TEN1: variants seen among roughly 807,000 people sequenced by gnomAD.
TEN1 encodes the protein TEN1 subunit of CST complex, also known as CST complex subunit TEN1.
In TEN1, 6 loss-of-function variants were observed where a neutral mutation model predicts 9.3. The ratio of observed to expected loss-of-function variants is 0.65; its 90% confidence interval spans 0.35 to 1.27. TEN1 has a LOEUF of 1.27. TEN1 is among the 50% of genes most tolerant of loss of function. TEN1 has a pLI of 0.03. For missense variants in TEN1, 149 were observed against 158.2 expected (o/e 0.94, Z 0.31); for synonymous variants, 65 against 65.6 (o/e 0.99, Z 0.04).
chr17:75,999,991 GTTGCCTT>G (rs2066243963), intron 3 of TEN1, 143 bp from the exon 4 acceptor site: 31 of 1,272,378 alleles, frequency 2.4e-5, no homozygotes, highest in Non-Finnish European at 3.3e-5. Context: ...CAAATACTCA[GTTGCCTT>G]TGCCCCATAT....
In TEN1 at chr17:75,992,895, G is replaced by A. The variant is rs550544262; in HGVS notation, c.250+1272G>A. ...GCCCACTGCAACCTCCAGCTCCCTG[G>A]ATCAAGCGATTCTCCTGTCTCAGCC... is the stretch of plus-strand genomic sequence containing the variant. On this transcript the variant is annotated intron_variant, in intron 3 of 3. Coordinates refer to ENST00000397640, the MANE Select transcript of TEN1 (RefSeq NM_001113324.3). 2.1e-3 allele frequency among the ~76,000 whole-genome samples: 318 copies of A among 150,158 alleles called. 1 individual carries two copies. The highest frequency in any genetic ancestry group is 4.1e-3 in the Non-Finnish European group (280 of 67,650).
intron 3 of TEN1, among the ~76,000 whole-genome samples, chr17:75,999,351 T>C (rs570556103): frequency 6.7e-6 from 1 of 148,878 alleles, no homozygotes; most frequent in African/African-American, 2.5e-5. Flanking sequence ...AAAAAAAAAA[T>C]TTTTTTTTTT....
chr17:75,979,708 A>T (rs991263084), intron 1 of TEN1, among the ~76,000 whole-genome samples, 197 bp downstream of exon 1: 1 of 152,060 alleles, frequency 6.6e-6, no homozygotes, highest in African/African-American at 2.4e-5. Flanking sequence ...AGGGAGGGTC[A>T]CTTGGGCTTT....
chr17:75,989,564 A>C (rs576439180), intron 2 of TEN1, among the ~76,000 whole-genome samples: 1 of 149,844 alleles, frequency 6.7e-6, no homozygotes, highest in South Asian at 2.1e-4. Flanking sequence ...GGCGTGCCCC[A>C]CCACACCCAG....
At chr17:75,997,511 C>T (rs1048440288) in intron 3 of TEN1, among the ~76,000 whole-genome samples, 2 of 151,904 alleles carry the variant, frequency 1.3e-5, no homozygotes, top group African/African-American at 2.4e-5. Flanking sequence ...GACACTGAAA[C>T]GGCCACCGAC....
intron 2 of TEN1, among the ~76,000 whole-genome samples, chr17:75,987,556 G>T (rs2066159183): frequency 6.6e-6 from 1 of 152,166 alleles, no homozygotes. Context: ...GATGCACAAG[G>T]ATGTAAATAT....
intron 2 of TEN1, among the ~76,000 whole-genome samples, chr17:75,990,616 G>A (rs991573192): frequency 2.0e-5 from 3 of 148,482 alleles, no homozygotes; most frequent in Non-Finnish European, 3.0e-5. Flanking sequence ...GGTGGATCAC[G>A]TGAGCCCAGG....
chr17:75,979,348 C>T lies in TEN1; in HGVS notation c.-170C>T, dbSNP rs2066094749. 4 of 564,378 alleles carry T rather than the reference C, an allele frequency of 7.1e-6. No homozygotes were observed. Among genetic ancestry groups the T allele is most frequent in the Non-Finnish European group, 1.3e-5 (4 of 314,710 alleles). The allele number at this position is 564,378 out of a possible 1,614,324, so 35.0% of individuals were successfully genotyped here. A position where few individuals can be genotyped will look rare whatever the true frequency, so the allele number is the denominator to read the frequency against. ...CCCCTGCTCCTGGCCAGGGGAGGCT[C>T]CCGAGCGGATCCTCGGGAAAGGGGC... On this transcript the variant is annotated 5_prime_UTR_variant, in exon 1 of 4. Transcript: ENST00000397640.
intron 1 of TEN1, among the ~76,000 whole-genome samples, chr17:75,985,686 G>A (rs963703996): frequency 6.6e-6 from 1 of 151,972 alleles, no homozygotes; most frequent in Non-Finnish European, 1.5e-5. Flanking sequence ...CACCATGCCC[G>A]GCTAATTTTG....
intron 3 of TEN1, among the ~76,000 whole-genome samples, chr17:75,993,134 T>C (rs1472334052): frequency 7.3e-6 from 1 of 136,962 alleles, no homozygotes; most frequent in Non-Finnish European, 1.6e-5. Flanking sequence ...TGAGACGGAG[T>C]GTCGCTCTCG....
intron 2 of TEN1, among the ~76,000 whole-genome samples, chr17:75,990,547 A>T (rs1758347966): frequency 6.6e-6 from 1 of 151,790 alleles, no homozygotes; most frequent in South Asian, 2.1e-4. Flanking sequence ...TGAAAAAAAA[A>T]AGATGGCCAG....
At chr17:75,994,163 G>A (rs866341714) in intron 3 of TEN1, among the ~76,000 whole-genome samples, 21 of 151,516 alleles carry the variant, frequency 1.4e-4, no homozygotes, top group African/African-American at 9.7e-5. Context: ...CGCTGGGCGC[G>A]GTGGCTCACA....
intron 2 of TEN1, among the ~76,000 whole-genome samples, chr17:75,991,149 C>CAAAA (rs71361699): frequency 1.4e-4 from 10 of 70,172 alleles, no homozygotes; most frequent in African/African-American, 5.1e-4. Context: ...GACTCCATCT[C>CAAAA]AAAAAAAAAA....
chr17:75,983,793 C>T lies in TEN1; in HGVS notation c.-6-2394C>T, dbSNP rs151134923. 2.8e-3 allele frequency among the ~76,000 whole-genome samples: 428 copies of T among 152,142 alleles called. 2 individuals are homozygous for T. Among genetic ancestry groups the T allele is most frequent in the African/African-American group, 9.9e-3 (412 of 41,502 alleles). ...CAACCTTAGGGGTGTGGCAAATGGT[C>T]CTCCTGCAGGCTGAGTCACCTCTGA... On this transcript the variant is annotated intron_variant, in intron 1 of 3. Coordinates refer to ENST00000397640, the MANE Select transcript of TEN1 (RefSeq NM_001113324.3).
chr17:75,987,836 A>C (rs2066160918), intron 2 of TEN1, among the ~76,000 whole-genome samples: 1 of 144,214 alleles, frequency 6.9e-6, no homozygotes, highest in African/African-American at 2.6e-5. Context: ...AGAATCGCTT[A>C]AACCTAGGAG....
intron 1 of TEN1, chr17:75,984,854 A>T (rs971583784): frequency 6.6e-6 from 1 of 152,230 alleles, no homozygotes; most frequent in Admixed American, 6.6e-5. Flanking sequence ...TCTGCACCAT[A>T]GCCACAGGCA....
In TEN1 at chr17:75,979,508, A is replaced by G; in HGVS notation, c.-10A>G. 2 of 319,232 alleles carry G rather than the reference A, an allele frequency of 6.3e-6. No homozygotes were observed. Among genetic ancestry groups the G allele is most frequent in the East Asian group, 9.3e-5 (1 of 10,756 alleles). The allele number at this position is 319,232 out of a possible 1,614,324, so 19.8% of individuals were successfully genotyped here. Reference sequence around the variant, plus strand: ...AATCCGAGGACCGGCGACGCCTAGAACAGGTTGGCTGGGGCCTTGGGAAGG... The same window carrying G: ...AATCCGAGGACCGGCGACGCCTAGAGCAGGTTGGCTGGGGCCTTGGGAAGG... On this transcript the variant is annotated 5_prime_UTR_variant, in exon 1 of 4. Coordinates refer to ENST00000397640, the MANE Select transcript of TEN1 (RefSeq NM_001113324.3).
At chr17:75,992,824 A>G (rs1225414805) in intron 3 of TEN1, among the ~76,000 whole-genome samples, 1 of 118,476 alleles carries the variant, frequency 8.4e-6, no homozygotes, top group Non-Finnish European at 1.7e-5. Context: ...TTTTTTAGAC[A>G]GTGCCTTGCT....
intron 3 of TEN1, among the ~76,000 whole-genome samples, chr17:75,993,598 T>G (rs1397519331): frequency 6.6e-6 from 1 of 152,148 alleles, no homozygotes; most frequent in Non-Finnish European, 1.5e-5. Flanking sequence ...GCTGGCCTGA[T>G]CAATGTCGAC....
Sources: allele counts gnomAD v4.1 joint callset (sites outside exome capture counted in the v4.1 genomes callset), GRCh38; gene constraint gnomAD v4.1.1; transcripts MANE v1.5; gene names NCBI Gene and HGNC (gene_info 2026-07-23, HGNC 2026-07-21).